Variants in IFRD1 observed in about 807,000 individuals in gnomAD.
IFRD1 encodes the protein interferon-related developmental regulator 1.
In IFRD1, 35 loss-of-function variants were observed where a neutral mutation model predicts 52.9. The ratio of observed to expected loss-of-function variants is 0.66; its 90% CI spans 0.51 to 0.88. IFRD1 has a LOEUF of 0.88. Ranked by LOEUF, IFRD1 falls within the 40% of genes least tolerant of loss-of-function variation. IFRD1 has a pLI of 0.00. For missense variants in IFRD1, 517 were observed against 550.8 expected, an observed-to-expected ratio of 0.94 and a Z score of 0.61; for synonymous variants, 184 against 188.4, an observed-to-expected ratio of 0.98 and a Z score of 0.19.
rs1584507041 is a variant in IFRD1 at position 112,475,795 on chromosome 7, C to A, written c.*276C>A. On this transcript the variant is annotated 3_prime_UTR_variant, in exon 12 of 12. Transcript: ENST00000403825. The stretch of plus-strand genomic sequence containing the variant: ...AAGACTGATTTCATGATGGGGAAAA[C>A]AATTAGCCAAAGTTTAATTTCTTAC... 2.8e-6 allele frequency: 1 copy of A among 359,936 alleles called. No individual in the cohort carries two copies. Among genetic ancestry groups the A allele is most frequent in the Non-Finnish European group, 5.1e-6 (1 of 197,698 alleles). The allele number at this position is 359,936 out of a possible 1,614,324, so 22.3% of individuals were successfully genotyped here.
intron 8 of IFRD1, among the ~76,000 whole-genome samples, chr7:112,464,119 C>G (rs1286725375): frequency 2.0e-5 from 3 of 148,914 alleles, no homozygotes; most frequent in African/African-American, 7.5e-5. Flanking sequence ...AAATTAAATC[C>G]AGGGCGTTAG....
chr7:112,464,299 G>A (rs1036280154), intron 8 of IFRD1, among the ~76,000 whole-genome samples: 2 of 151,970 alleles, frequency 1.3e-5, no homozygotes, highest in Non-Finnish European at 2.9e-5. Flanking sequence ...TAACTTTTAG[G>A]TTGGATTTTA....
At chr7:112,440,767 A>G (rs1353641539) in intron 1 of IFRD1, among the ~76,000 whole-genome samples, 1 of 152,224 alleles carries the variant, frequency 6.6e-6, no homozygotes, top group African/African-American at 2.4e-5. Flanking sequence ...AGTGCTAAGG[A>G]GAAACTGTAA....
intron 8 of IFRD1, among the ~76,000 whole-genome samples, 167 bp downstream of exon 8, chr7:112,462,545 A>G (rs55954386): frequency 0.16 from 24,972 of 152,150 alleles, 2,205 homozygotes; most frequent in South Asian, 0.31. Flanking sequence ...TTTAGAGAGC[A>G]GAAACCAGTA....
At chr7:112,452,695 C>G (rs1465077031) in intron 1 of IFRD1, among the ~76,000 whole-genome samples, 1 of 152,138 alleles carries the variant, frequency 6.6e-6, no homozygotes, top group African/African-American at 2.4e-5. Context: ...CCTCTGGTGG[C>G]TGTATGGGGA....
chr7:112,466,353 A>G (rs770872186), intron 8 of IFRD1, among the ~76,000 whole-genome samples: 2 of 152,186 alleles, frequency 1.3e-5, no homozygotes, highest in Non-Finnish European at 2.9e-5. Context: ...GTGATTCACA[A>G]ACTAAACTTG....
At chr7:112,437,740 C>T (rs1378102017) in intron 1 of IFRD1, among the ~76,000 whole-genome samples, 1 of 151,340 alleles carries the variant, frequency 6.6e-6, no homozygotes, top group African/African-American at 2.4e-5. Context: ...GGAAAGTCTT[C>T]ATGGAGATGG....
intron 11 of IFRD1, among the ~76,000 whole-genome samples, chr7:112,473,924 T>C (rs1335867074): frequency 6.6e-6 from 1 of 152,234 alleles, no homozygotes; most frequent in South Asian, 2.1e-4. Context: ...CCCCCGCCAC[T>C]GGCAACCGCT....
intron 1 of IFRD1, among the ~76,000 whole-genome samples, chr7:112,445,306 TCCGCCCACC>T (rs1795001687): frequency 1.3e-5 from 2 of 152,116 alleles, no homozygotes; most frequent in African/African-American, 4.8e-5. Flanking sequence ...GACCTTGTGA[TCCGCCCACC>T]TTGGCCTCCC....
At position 112,456,007 on chromosome 7, in the gene IFRD1, G is replaced by C; in HGVS notation, c.205G>C (p.Glu69Gln). The C allele has an allele frequency of 6.3e-7, 1 of 1,593,048 alleles. No homozygotes were observed. The highest frequency in any genetic ancestry group is 1.3e-5 in the African/African-American group (1 of 74,598). The stretch of plus-strand genomic sequence containing the variant: ...TGTTTTATATTATTTCTTAGGACCA[G>C]AAGTCCTTGATGAGGAAGGAACTCA... Reference protein sequence around the residue: ...DPSSFAEDGPEVLDEEGTQED... With the variant: ...DPSSFAEDGPQVLDEEGTQED... The change falls in exon 3 of 12, where the codon GAA becomes CAA. Residue 69 changes from glutamate to glutamine, a missense_variant. By Grantham distance (29) the Glu-to-Gln change is conservative (BLOSUM62 2). Coordinates refer to ENST00000403825, the MANE Select transcript of IFRD1 (RefSeq NM_001550.4).
intron 3 of IFRD1, among the ~76,000 whole-genome samples, chr7:112,456,585 T>A (rs1451586873): frequency 6.6e-6 from 1 of 152,208 alleles, no homozygotes; most frequent in East Asian, 1.9e-4. Context: ...AAAAAAAGTG[T>A]AAATTTACTT....
At chr7:112,470,359 T>C (rs960613203) in intron 9 of IFRD1, among the ~76,000 whole-genome samples, 1 of 152,222 alleles carries the variant, frequency 6.6e-6, no homozygotes, top group African/African-American at 2.4e-5. Context: ...GGTCCGTCGA[T>C]TAGGTCCTTG....
intron 3 of IFRD1, 147 bp from the exon 4 acceptor site, chr7:112,456,767 T>G: frequency 1.4e-6 from 1 of 728,502 alleles, no homozygotes; most frequent in Non-Finnish European, 2.3e-6. Flanking sequence ...AATTAAATTA[T>G]ATTATTGACA....
At position 112,466,569 on chromosome 7, in the gene IFRD1, G is replaced by A. The variant is rs113299898; in HGVS notation, c.907-1412G>A. 7.9e-5 allele frequency among the ~76,000 whole-genome samples: 12 copies of A among 152,202 alleles called. 2 individuals are homozygous for A. The highest frequency in any genetic ancestry group is 2.9e-4 in the African/African-American group (12 of 41,530). On this transcript the variant is annotated intron_variant, in intron 8 of 11. Coordinates refer to ENST00000403825, the MANE Select transcript of IFRD1 (RefSeq NM_001550.4). ...TCTCCTAGTTGTGACAACCAAAAAT[G>A]TCTCAGACATAGTCAGATGTTCAAT...
At chr7:112,475,020 G>A (rs1448900838) in intron 11 of IFRD1, among the ~76,000 whole-genome samples, 6 of 151,712 alleles carry the variant, frequency 4.0e-5, no homozygotes, top group East Asian at 1.9e-4. Context: ...GTGCAGTGGC[G>A]TGATCTCGGC....
At chr7:112,465,664 T>C (rs932486786) in intron 8 of IFRD1, among the ~76,000 whole-genome samples, 7 of 152,164 alleles carry the variant, frequency 4.6e-5, no homozygotes, top group Admixed American at 3.3e-4. Context: ...ATAACTGTTA[T>C]ATAAGAGGAG....
chr7:112,430,161 C>CA (rs944305045), intron 1 of IFRD1, among the ~76,000 whole-genome samples: 5 of 152,148 alleles, frequency 3.3e-5, no homozygotes, highest in Non-Finnish European at 5.9e-5. Context: ...CCAAGGAAAG[C>CA]AAAAAATTGT....
chr7:112,452,167 T>TGG, intron 1 of IFRD1: 1 of 928,800 alleles, frequency 1.1e-6, no homozygotes, highest in South Asian at 5.0e-5. Context: ...TTTTTTTTTT[T>TGG]TGTTAAGGGA....
chr7:112,456,222 C>G, intron 3 of IFRD1, 136 bp downstream of exon 3: 1 of 710,872 alleles, frequency 1.4e-6, no homozygotes, highest in Admixed American at 2.0e-5. Flanking sequence ...CAGATAATAG[C>G]AATATATTTT....
Sources: allele counts gnomAD v4.1 joint callset (sites outside exome capture counted in the v4.1 genomes callset), GRCh38; gene constraint gnomAD v4.1.1; transcripts MANE v1.5; gene names NCBI Gene and HGNC (gene_info 2026-07-23, HGNC 2026-07-21).